Variants in STX12 observed in about 807,000 individuals in gnomAD.
STX12 encodes syntaxin-12.
In STX12, 17 loss-of-function variants were observed where a neutral mutation model predicts 42.2. The observed-to-expected ratio is 0.40, with a 90% CI of 0.28 to 0.60. STX12 has a LOEUF of 0.60. Among genes scored for constraint, STX12 ranks in the 20% least tolerant of loss-of-function variants. STX12 has a pLI of 0.39. For synonymous variants in STX12, 108 were observed against 116.7 expected (o/e 0.93, Z 0.48); for missense variants, 297 against 330.9 (o/e 0.90, Z 0.79).
At chr1:27,806,248 T>G (rs767925746) in intron 4 of STX12, among the ~76,000 whole-genome samples, 14 of 152,240 alleles carry the variant, frequency 9.2e-5, no homozygotes, top group Admixed American at 2.0e-4. Context: ...TTCCTTGAAG[T>G]GACAGGCTCA....
At chr1:27,804,019 CA>C (rs968906918) in intron 4 of STX12, among the ~76,000 whole-genome samples, 3 of 151,188 alleles carry the variant, frequency 2.0e-5, no homozygotes, top group Non-Finnish European at 4.4e-5. Flanking sequence ...AAAAACAAAA[CA>C]AAAAAAACCC....
chr1:27,782,891 C>G (rs770677170), intron 1 of STX12, among the ~76,000 whole-genome samples: 1 of 152,164 alleles, frequency 6.6e-6, no homozygotes, highest in African/African-American at 2.4e-5. Flanking sequence ...GATATAAAAA[C>G]AGAATGTAAA....
intron 8 of STX12, among the ~76,000 whole-genome samples, chr1:27,821,740 G>T (rs1020544269): frequency 2.0e-5 from 3 of 152,116 alleles, no homozygotes; most frequent in African/African-American, 4.8e-5. Flanking sequence ...TACTCGGCTG[G>T]GTGCGGTGGC....
intron 6 of STX12, among the ~76,000 whole-genome samples, chr1:27,814,180 A>T (rs1382514176): frequency 1.3e-5 from 2 of 152,188 alleles, no homozygotes; most frequent in African/African-American, 4.8e-5. Context: ...GCCTTCAAAA[A>T]TGTCATATCT....
intron 1 of STX12, among the ~76,000 whole-genome samples, chr1:27,786,201 C>T (rs1305877604): frequency 6.6e-6 from 1 of 152,186 alleles, no homozygotes; most frequent in African/African-American, 2.4e-5. Context: ...CCTCCTTGGC[C>T]ACCTCTCTGC....
At chr1:27,811,703 T>C (rs904681892) in intron 5 of STX12, among the ~76,000 whole-genome samples, 1 of 152,070 alleles carries the variant, frequency 6.6e-6, no homozygotes, top group African/African-American at 2.4e-5. Flanking sequence ...GATGTGATTC[T>C]GTTGAACTAA....
At chr1:27,818,024 A>C (rs760403060) in intron 7 of STX12, 101 bp downstream of exon 7, 1 of 914,554 alleles carries the variant, frequency 1.1e-6, no homozygotes, top group Non-Finnish European at 1.7e-6. Context: ...AGCACCATCT[A>C]GGAGTTTGAA....
intron 8 of STX12, among the ~76,000 whole-genome samples, chr1:27,820,533 T>C (rs2088977027): frequency 6.6e-6 from 1 of 152,202 alleles, no homozygotes. Context: ...CATTTGTCAG[T>C]TTTGGCTTTT....
rs1339197987 is a variant in STX12 at position 27,801,746 on chromosome 1, T to G, written c.357T>G (p.Ala119=). The G allele has an allele frequency of 6.3e-7, 1 of 1,594,294 alleles. No homozygotes were observed. Among genetic ancestry groups the G allele is most frequent in the Non-Finnish European group, 8.5e-7 (1 of 1,172,954 alleles). The change falls in exon 4 of 9, where the codon GCT becomes GCG. Residue 119 remains alanine, a synonymous_variant. Coordinates refer to ENST00000373943, the MANE Select transcript of STX12 (RefSeq NM_177424.3). The part of the protein sequence containing the change: ...DFSAALNNFQ[A]VQRRVSEKEK... Reference sequence around the variant, plus strand: ...CTGCAGCCTTAAACAATTTCCAGGCTGTGCAGAGAAGGGTATCTGAAAAGG... The same window carrying G: ...CTGCAGCCTTAAACAATTTCCAGGCGGTGCAGAGAAGGGTATCTGAAAAGG...
At chr1:27,821,726 A>G (rs2088985737) in intron 8 of STX12, among the ~76,000 whole-genome samples, 1 of 152,194 alleles carries the variant, frequency 6.6e-6, no homozygotes, top group Non-Finnish European at 1.5e-5. Flanking sequence ...TTTGAAACCT[A>G]TACTACTCGG....
intron 1 of STX12, among the ~76,000 whole-genome samples, chr1:27,779,434 A>C (rs1158636438): frequency 1.3e-5 from 2 of 152,000 alleles, no homozygotes; most frequent in East Asian, 3.9e-4. Flanking sequence ...CCTGGGTTCA[A>C]GCAGTTCTCC....
At chr1:27,780,087 G>A (rs1469456807) in intron 1 of STX12, among the ~76,000 whole-genome samples, 1 of 151,330 alleles carries the variant, frequency 6.6e-6, no homozygotes, top group Non-Finnish European at 1.5e-5. Context: ...CACTGCGTCC[G>A]CCCTTTGGTT....
chr1:27,778,429 G>A (rs190426721), intron 1 of STX12, among the ~76,000 whole-genome samples: 29 of 152,254 alleles, frequency 1.9e-4, no homozygotes, highest in African/African-American at 6.5e-4. Context: ...GGTGTCTCAC[G>A]CCTGTAATCC....
At chr1:27,815,758 C>T (rs949387113) in intron 6 of STX12, among the ~76,000 whole-genome samples, 1 of 152,186 alleles carries the variant, frequency 6.6e-6, no homozygotes, top group African/African-American at 2.4e-5. Flanking sequence ...GTTATGATTC[C>T]AATAACCCTT....
chr1:27,809,640 A>T (rs2088890337), intron 4 of STX12, among the ~76,000 whole-genome samples: 1 of 151,712 alleles, frequency 6.6e-6, no homozygotes, highest in African/African-American at 2.4e-5. Context: ...TTGTATTTTT[A>T]GTAGAGACGG....
intron 6 of STX12, among the ~76,000 whole-genome samples, chr1:27,814,312 C>T (rs1009562032): frequency 2.6e-5 from 4 of 151,596 alleles, no homozygotes; most frequent in Non-Finnish European, 4.4e-5. Flanking sequence ...AGGATGATTG[C>T]TTGAGCCCAG....
chr1:27,812,493 G>A (rs1021863255), intron 6 of STX12, among the ~76,000 whole-genome samples: 3 of 151,612 alleles, frequency 2.0e-5, no homozygotes, highest in Non-Finnish European at 4.4e-5. Context: ...CCAGGCTGGA[G>A]TGCAGTGGTG....
Position 27,817,938 on chromosome 1 carries a change from T to C in STX12, c.649+15T>C. ...TGATCTGATTGGTATGTATTATTGATACCTTTAACCTCAAGGTGAGTTGAT... is the reference window on the plus strand; with the variant it reads ...TGATCTGATTGGTATGTATTATTGACACCTTTAACCTCAAGGTGAGTTGAT... On this transcript the variant is annotated intron_variant, in intron 7 of 8. Coordinates refer to ENST00000373943, the MANE Select transcript of STX12 (RefSeq NM_177424.3). The C allele has an allele frequency of 3.1e-6, 5 of 1,608,318 alleles. No homozygotes were observed. The highest frequency in any genetic ancestry group is 1.3e-5 in the African/African-American group (1 of 74,934).
At chr1:27,818,102 G>A (rs546922315) in intron 7 of STX12, 179 bp downstream of exon 7, 2 of 564,414 alleles carry the variant, frequency 3.5e-6, no homozygotes, top group East Asian at 3.1e-5. Context: ...AAGGAGTTAG[G>A]CTAGGCGTGG....
Sources: allele counts gnomAD v4.1 joint callset (sites outside exome capture counted in the v4.1 genomes callset), GRCh38; gene constraint gnomAD v4.1.1; transcripts MANE v1.5; gene names NCBI Gene and HGNC (gene_info 2026-07-23, HGNC 2026-07-21).